TBC1D16: variants seen among roughly 807,000 people sequenced by gnomAD.
TBC1D16 encodes TBC1 domain family member 16.
In TBC1D16, 58 loss-of-function variants were observed where a neutral mutation model predicts 74.7. The ratio of observed to expected loss-of-function variants is 0.78; its 90% CI spans 0.63 to 0.97. TBC1D16 has a LOEUF of 0.97. TBC1D16 is among the 50% of genes least tolerant of loss of function. The pLI is 0.00. For missense variants in TBC1D16, 1,014 were observed against 1,079.5 expected (o/e 0.94, Z 0.85); for synonymous variants, 493 against 474.7 (o/e 1.04, Z -0.50).
In TBC1D16 at chr17:79,975,706, A is replaced by T. The variant is rs998717683; in HGVS notation, c.780-22888T>A. Among the ~76,000 whole-genome samples, 2 of 151,972 alleles carry T rather than the reference A, an allele frequency of 1.3e-5. No homozygotes were observed. Among genetic ancestry groups the T allele is most frequent in the Admixed American group, 6.6e-5 (1 of 15,252 alleles). On this transcript the variant is annotated intron_variant, in intron 3 of 11. Transcript: ENST00000310924. This position sits in a 1 kb window ranked among gnomAD's most constrained non-coding sequence, Gnocchi z 4.5. ...GCAACCAACTGTGCACAGCTTCGGG[A>T]CCCCCAGCCAGCCCAAACCTGTCGC...
intron 3 of TBC1D16, among the ~76,000 whole-genome samples, chr17:79,982,081 T>G (rs1392730582): frequency 6.6e-6 from 1 of 152,172 alleles, no homozygotes; most frequent in Admixed American, 6.5e-5. Context: ...CCACGTTTTC[T>G]CTAAACATTC....
Position 80,013,364 on chromosome 17 carries a change from C to T in TBC1D16, c.181+3G>A, listed in dbSNP as rs201124000. ...CCCTGGAGCCTCGCCTGCCCTGGCTCACCTGGGTGGTGCTCCCCCAGCCCC... is the reference window on the plus strand; with the variant it reads ...CCCTGGAGCCTCGCCTGCCCTGGCTTACCTGGGTGGTGCTCCCCCAGCCCC... On this transcript the variant is annotated splice_donor_region_variant and intron_variant, in intron 2 of 11. Transcript: ENST00000310924. The T allele has an allele frequency of 1.1e-5, 18 of 1,600,456 alleles. No homozygotes were observed. The highest frequency in any genetic ancestry group is 1.7e-5 in the Admixed American group (1 of 58,336).
intron 3 of TBC1D16, among the ~76,000 whole-genome samples, chr17:79,973,903 A>C (rs910761598): frequency 2.6e-5 from 4 of 152,144 alleles, no homozygotes; most frequent in Non-Finnish European, 1.5e-5. Context: ...TACTGTAATA[A>C]AAGTTCATTC....
At chr17:80,028,881 G>A (rs967736271) in intron 1 of TBC1D16, among the ~76,000 whole-genome samples, 1 of 152,022 alleles carries the variant, frequency 6.6e-6, no homozygotes, top group African/African-American at 2.4e-5. Flanking sequence ...CAAAGCGCCG[G>A]GATTACACGC....
rs757806123 is a variant in TBC1D16, at chr17:80,010,596, G to T, written c.343C>A (p.Arg115Ser). The T allele has an allele frequency of 6.3e-7, 1 of 1,589,096 alleles. No individual in the cohort carries two copies. Among genetic ancestry groups the T allele is most frequent in the Non-Finnish European group, 8.5e-7 (1 of 1,170,142 alleles). The change falls in exon 3 of 12, where the codon CGC becomes AGC. Residue 115 changes from arginine (R) to serine (S), a missense_variant. Physicochemically the swap from Arg to Ser is moderately radical, Grantham distance 110 (BLOSUM62 -1). Coordinates refer to ENST00000310924, the MANE Select transcript of TBC1D16 (RefSeq NM_019020.4). This position sits in a 1 kb window ranked among gnomAD's most constrained non-coding sequence, Gnocchi z 8.8. ...TGGGAGGCTCCTGAGCTCCGGGTGCGCCGGCCCCGAGGGCGGGGTGCCTTG... is the reference window on the plus strand; with the variant it reads ...TGGGAGGCTCCTGAGCTCCGGGTGCTCCGGCCCCGAGGGCGGGGTGCCTTG... ...VRKAPRPRGR[R>S]TRSSGASHQP...
intron 3 of TBC1D16, 126 bp from the exon 4 acceptor site, chr17:79,952,944 C>A: frequency 1.9e-6 from 2 of 1,057,516 alleles, no homozygotes; most frequent in Non-Finnish European, 2.7e-6. Context: ...ACAGGCACGG[C>A]TGAATATGCC....
chr17:79,946,987 T>C (rs1015259262), intron 9 of TBC1D16, among the ~76,000 whole-genome samples: 3 of 152,060 alleles, frequency 2.0e-5, no homozygotes, highest in African/African-American at 7.2e-5. Flanking sequence ...TTGACATGGG[T>C]GATGTGTGCT....
At chr17:79,970,724 T>TG (rs961349184) in intron 3 of TBC1D16, among the ~76,000 whole-genome samples, 1 of 152,076 alleles carries the variant, frequency 6.6e-6, no homozygotes. Context: ...GAGGTGGACC[T>TG]GGGGGTCCTC....
rs2035845975 is a variant in TBC1D16, at chr17:80,010,476, T to G, written c.463A>C (p.Ser155Arg). The change falls in exon 3 of 12, where the codon AGC becomes CGC. Residue 155 changes from serine (S) to arginine (R), a missense_variant. Physicochemically the swap from Ser to Arg is moderately radical, Grantham distance 110. Transcript: ENST00000310924. This position sits in a 1 kb window ranked among gnomAD's most constrained non-coding sequence, Gnocchi z 8.8. ...TTCTCCTCATCCTCTGGCGCAGGGC[T>G]GGCGAGCATGCGGTCTGGAACACTC... ...AQSVPDRMLA[S>R]PAPEDEEKLA... The G allele has an allele frequency of 6.2e-7, 1 of 1,610,490 alleles. No individual in the cohort carries two copies. The highest frequency in any genetic ancestry group is 1.1e-5 in the South Asian group (1 of 90,634).
Position 79,932,635 on chromosome 17 carries a change from T to G in TBC1D16, c.*8224A>C, listed in dbSNP as rs1268194035. 6.6e-6 allele frequency: 1 copy of G among 152,248 alleles called. No homozygotes were observed. Among genetic ancestry groups the G allele is most frequent in the Non-Finnish European group, 1.5e-5 (1 of 68,058 alleles). 9.4% of individuals were successfully genotyped at this position (152,248 alleles called of 1,614,324 possible). On this transcript the variant is annotated 3_prime_UTR_variant, in exon 12 of 12. Coordinates refer to ENST00000310924, the MANE Select transcript of TBC1D16 (RefSeq NM_019020.4). ...ACTAGGACCCTGTGTCTTTTTCTAT[T>G]GTGCTTGTTCATGGCCAGGAATCAA... is the stretch of plus-strand genomic sequence containing the variant.
At position 79,941,004 on chromosome 17, in the gene TBC1D16, A is replaced by G. The variant is rs1484743389; in HGVS notation, c.2159T>C (p.Met720Thr). 23 of 1,608,216 alleles carry G rather than the reference A, an allele frequency of 1.4e-5. No individual in the cohort carries two copies. The highest frequency in any genetic ancestry group is 3.4e-5 in the Admixed American group (2 of 59,658). ...GTGGCCGGTGCACTCCACCGCGGGC[A>G]TGGAGCCGCTGTCCCACATGCCTGA... ...CGSGMWDSGSMPAVECTGHHP... is the reference protein window; with the variant it reads ...CGSGMWDSGSTPAVECTGHHP... Residue 720 changes from methionine to threonine, a missense_variant, in exon 12 of 12, where the codon ATG (methionine) becomes ACG (threonine). Coordinates refer to ENST00000310924, the MANE Select transcript of TBC1D16 (RefSeq NM_019020.4). The surrounding 1 kb of genome is among the most constrained non-coding windows in gnomAD (Gnocchi z 4.3).
At position 80,008,573 on chromosome 17, in the gene TBC1D16, C is replaced by T. The variant is rs941193444; in HGVS notation, c.779+1587G>A. On this transcript the variant is annotated intron_variant, in intron 3 of 11. Coordinates refer to ENST00000310924, the MANE Select transcript of TBC1D16 (RefSeq NM_019020.4). The surrounding 1 kb of genome is among the most constrained non-coding windows in gnomAD (Gnocchi z 4.5). ...AGGTTCTGCTGCACTGTTGGCCTGGCACCACCAGGGGGAGCTCCGACTGAG... is the reference window on the plus strand; with the variant it reads ...AGGTTCTGCTGCACTGTTGGCCTGGTACCACCAGGGGGAGCTCCGACTGAG... Among the ~76,000 whole-genome samples, 7 of 152,118 alleles carry T rather than the reference C, an allele frequency of 4.6e-5. No homozygotes were observed. The highest frequency in any genetic ancestry group is 1.3e-4 in the Admixed American group (2 of 15,284).
At chr17:79,995,305 A>AC (rs1429614920) in intron 3 of TBC1D16, among the ~76,000 whole-genome samples, 1 of 151,868 alleles carries the variant, frequency 6.6e-6, no homozygotes, top group Non-Finnish European at 1.5e-5. Flanking sequence ...GTTTCAAAAA[A>AC]AAAAAATTGT....
Position 79,990,547 on chromosome 17 carries a change from T to TA in TBC1D16, c.779+19612dup, listed in dbSNP as rs1316566716. Among the ~76,000 whole-genome samples the TA allele has an allele frequency of 1.3e-5, 2 of 152,268 alleles. No individual in the cohort carries two copies. The highest frequency in any genetic ancestry group is 2.9e-5 in the Non-Finnish European group (2 of 68,048). Reference sequence around the variant, plus strand: ...ACCAGTCTCACAGTCCCAGTCACCTTAAAAGGTCTTAACTGATTTTTCCTT... The same window carrying TA: ...ACCAGTCTCACAGTCCCAGTCACCTTAAAAAGGTCTTAACTGATTTTTCCTT... On this transcript the variant is annotated intron_variant, in intron 3 of 11. Coordinates refer to ENST00000310924, the MANE Select transcript of TBC1D16 (RefSeq NM_019020.4). The surrounding 1 kb of genome is among the most constrained non-coding windows in gnomAD (Gnocchi z 4.8).
Position 79,941,063 on chromosome 17 carries a change from G to C in TBC1D16, c.2100C>G (p.Pro700=). 2.5e-6 allele frequency: 4 copies of C among 1,595,714 alleles called. No homozygotes were observed. Among genetic ancestry groups the C allele is most frequent in the Non-Finnish European group, 3.4e-6 (4 of 1,171,108 alleles). The stretch of plus-strand genomic sequence containing the variant: ...GCTTACACAGATCGTGCAGGCTGCA[G>C]GGGATCCGGGGCAGGAGGCGGAACT... ...LYQFRLLPRI[P]CSLHDLCKLC... is the part of the protein sequence containing the mutation. The change falls in exon 12 of 12, where the codon CCC becomes CCG. Residue 700 remains proline (P), a synonymous_variant. Transcript: ENST00000310924. This position sits in a 1 kb window ranked among gnomAD's most constrained non-coding sequence, Gnocchi z 4.3.
chr17:80,012,036 G>T (rs958893779), intron 2 of TBC1D16, among the ~76,000 whole-genome samples: 1 of 152,214 alleles, frequency 6.6e-6, no homozygotes, highest in Non-Finnish European at 1.5e-5. Flanking sequence ...GTTCTGGGGG[G>T]AGGTGGCATT....
Position 79,954,008 on chromosome 17 carries a change from G to A in TBC1D16, c.780-1190C>T, listed in dbSNP as rs1401682440. On this transcript the variant is annotated intron_variant, in intron 3 of 11. Transcript: ENST00000310924. This position sits in a 1 kb window ranked among gnomAD's most constrained non-coding sequence, Gnocchi z 5.5. The stretch of plus-strand genomic sequence containing the variant: ...TAGTCTTGACCTCCTGACCTCAGGT[G>A]ATCCACCCGCCTCAGCCTCCAAAAG... 6.6e-6 allele frequency among the ~76,000 whole-genome samples: 1 copy of A among 152,156 alleles called. No homozygotes were observed. The highest frequency in any genetic ancestry group is 1.5e-5 in the Non-Finnish European group (1 of 68,010).
chr17:80,024,516 A>ACACAC (rs2036447704), intron 1 of TBC1D16, among the ~76,000 whole-genome samples: 2 of 148,984 alleles, frequency 1.3e-5, no homozygotes, highest in Non-Finnish European at 3.0e-5. Context: ...TAGACAAACC[A>ACACAC]CGCACACCAT....
intron 1 of TBC1D16, among the ~76,000 whole-genome samples, chr17:80,028,930 C>T (rs893336667): frequency 2.6e-5 from 4 of 152,130 alleles, no homozygotes. Flanking sequence ...GATTTCTGTG[C>T]TGCTCAAAGC....
Sources: gnomAD v4.1 joint callset for allele counts (sites outside exome capture counted in the v4.1 genomes callset) on GRCh38, gnomAD v4.1.1 for gene constraint, Gnocchi (gnomAD v3.1) non-coding constraint, MANE v1.5 for transcripts, NCBI Gene and HGNC (gene_info 2026-07-23, HGNC 2026-07-21) for gene names.